The following ACSS3 variants were observed in gnomAD, a reference collection of about 807,000 sequenced individuals.
ACSS3 encodes the protein acyl-CoA synthetase short-chain family member 3, mitochondrial.
Under a neutral mutation model 84.2 loss-of-function variants are expected in ACSS3, and 64 were observed. That is an observed-to-expected ratio of 0.76 (90% CI 0.62 to 0.94). The LOEUF is 0.94. ACSS3 is among the 40% of genes least tolerant of loss of function. The pLI, the probability that ACSS3 is intolerant of heterozygous loss-of-function variation, is 0.00. For synonymous variants in ACSS3, 317 were observed against 310.1 expected (o/e 1.02, Z -0.23); for missense variants, 815 against 867.6 (o/e 0.94, Z 0.76).
chr12:81,139,237 A>G lies in ACSS3; in HGVS notation c.752A>G (p.Lys251Arg). 6.2e-7 allele frequency: 1 copy of G among 1,614,016 alleles called. No individual in the cohort carries two copies. The stretch of plus-strand genomic sequence containing the variant: ...AAAATAGGACAACACAAACCAGACA[A>G]AATTCTCATTTATAATCGTCCAAAT... The part of the protein sequence containing the change: ...ALKIGQHKPD[K>R]ILIYNRPNME... The change falls in exon 4 of 16, where the codon AAA (lysine) becomes AGA (arginine). Residue 251 changes from lysine to arginine, a missense_variant. By Grantham distance (26) the Lys-to-Arg change is conservative. Coordinates refer to ENST00000548058, the MANE Select transcript of ACSS3 (RefSeq NM_024560.4).
At position 81,226,744 on chromosome 12, in the gene ACSS3, G is replaced by A. The variant is rs1434409132; in HGVS notation, c.1515-4313G>A. Among the ~76,000 whole-genome samples, 4 of 151,742 alleles carry A rather than the reference G, an allele frequency of 2.6e-5. No homozygotes were observed. In the East Asian group the frequency reaches 5.8e-4, roughly 22 times the overall value. On this transcript the variant is annotated intron_variant, in intron 11 of 15. Transcript: ENST00000548058. ...AACTTTCTATAGAAACTTTCAAAGA[G>A]TCAGCTTTGATTTTTCTCTTTTCTT...
At chr12:81,143,848 G>C (rs1886203175) in intron 5 of ACSS3, among the ~76,000 whole-genome samples, 1 of 152,162 alleles carries the variant, frequency 6.6e-6, no homozygotes, top group South Asian at 2.1e-4. Context: ...ACAAAGCAAA[G>C]TTGAAAGCAT....
At chr12:81,080,536 C>T (rs7956176) in intron 1 of ACSS3, among the ~76,000 whole-genome samples, 60,951 of 151,874 alleles carry the variant, frequency 0.4, 14,576 homozygotes, top group Non-Finnish European at 0.55. Context: ...CTATTTATTT[C>T]AGCAGTGCGA....
intron 13 of ACSS3, among the ~76,000 whole-genome samples, chr12:81,248,332 A>G (rs1478962328): frequency 6.6e-6 from 1 of 152,096 alleles, no homozygotes; most frequent in African/African-American, 2.4e-5. Flanking sequence ...GAATGAAGAA[A>G]TAAAATATGG....
intron 9 of ACSS3, among the ~76,000 whole-genome samples, chr12:81,201,836 G>A (rs781468364): frequency 3.9e-5 from 6 of 152,244 alleles, no homozygotes; most frequent in African/African-American, 7.2e-5. Context: ...TAGCTAGATC[G>A]CTAGATTATT....
At chr12:81,103,055 A>C (rs1006294459) in intron 1 of ACSS3, among the ~76,000 whole-genome samples, 7 of 152,208 alleles carry the variant, frequency 4.6e-5, no homozygotes, top group African/African-American at 1.7e-4. Flanking sequence ...ACATCATCCT[A>C]GGATCATTTA....
chr12:81,236,081 A>G (rs2033621545), intron 13 of ACSS3, among the ~76,000 whole-genome samples: 1 of 151,482 alleles, frequency 6.6e-6, no homozygotes, highest in South Asian at 2.1e-4. Flanking sequence ...AATGGTGCTA[A>G]CTGTAGGTAT....
At chr12:81,169,161 T>C (rs188265731) in intron 7 of ACSS3, among the ~76,000 whole-genome samples, 1 of 152,122 alleles carries the variant, frequency 6.6e-6, no homozygotes, top group Admixed American at 6.5e-5. Context: ...GTGAATAAGA[T>C]GGAGAAAGGC....
intron 1 of ACSS3, among the ~76,000 whole-genome samples, chr12:81,097,271 A>C (rs2121383316): frequency 1.3e-5 from 2 of 152,296 alleles, no homozygotes; most frequent in Admixed American, 1.3e-4. Flanking sequence ...AGGCCAGACC[A>C]GTTCCATTGC....
In ACSS3 at chr12:81,229,635, A is replaced by G. The variant is rs555585926; in HGVS notation, c.1515-1422A>G. ...CAACCTATTGCCTTCATACAGATTT[A>G]GCAAACAGTAATAATCACAACAGCA... On this transcript the variant is annotated intron_variant, in intron 11 of 15. Transcript: ENST00000548058. Among the ~76,000 whole-genome samples the G allele has an allele frequency of 5.2e-4, 79 of 152,052 alleles. 1 individual carries two copies. Among genetic ancestry groups the G allele is most frequent in the African/African-American group, 1.8e-3 (75 of 41,546 alleles).
Position 81,114,652 on chromosome 12 carries a change from G to A in ACSS3, c.456+4948G>A, listed in dbSNP as rs1000231698. Among the ~76,000 whole-genome samples the A allele has an allele frequency of 7.2e-5, 11 of 152,196 alleles. No homozygotes were observed. The South Asian group carries it at 2.1e-3, about 29-fold the overall frequency. Reference sequence around the variant, plus strand: ...TATGGTCAGTGCCACTAAAAAGTGTGTCTCTGTAAGTTAAATTACCTTTTC... The same window carrying A: ...TATGGTCAGTGCCACTAAAAAGTGTATCTCTGTAAGTTAAATTACCTTTTC... On this transcript the variant is annotated intron_variant, in intron 2 of 15. Coordinates refer to ENST00000548058, the MANE Select transcript of ACSS3 (RefSeq NM_024560.4).
chr12:81,253,798 T>C (rs2034223898), intron 15 of ACSS3, 128 bp downstream of exon 15: 6 of 902,944 alleles, frequency 6.6e-6, no homozygotes, highest in Non-Finnish European at 9.8e-6. Flanking sequence ...AATAGTACTA[T>C]TTTTTAATGT....
rs559454460 is a variant in ACSS3, at chr12:81,213,954, T to A, written c.1355-2947T>A. Among the ~76,000 whole-genome samples the A allele has an allele frequency of 5.4e-5, 2 of 37,026 alleles. 1 individual carries two copies. Among genetic ancestry groups the A allele is most frequent in the Non-Finnish European group, 1.4e-4 (2 of 13,992 alleles). 24.3% of individuals were successfully genotyped at this position (37,026 alleles called of 152,430 possible). On this transcript the variant is annotated intron_variant, in intron 9 of 15. Transcript: ENST00000548058. Reference sequence around the variant, plus strand: ...CTTCCTTTCTCTCTCTCTCTCCCTCTCTCTCTTTCTTTCTTTCTTTCTTTC... The same window carrying A: ...CTTCCTTTCTCTCTCTCTCTCCCTCACTCTCTTTCTTTCTTTCTTTCTTTC...
intron 8 of ACSS3, among the ~76,000 whole-genome samples, chr12:81,180,462 G>A (rs1472490554): frequency 6.6e-6 from 1 of 151,864 alleles, no homozygotes; most frequent in African/African-American, 2.4e-5. Flanking sequence ...CTGGCTTATG[G>A]ATATATCTAT....
At chr12:81,151,240 A>G (rs1886595462) in intron 5 of ACSS3, among the ~76,000 whole-genome samples, 1 of 152,172 alleles carries the variant, frequency 6.6e-6, no homozygotes, top group Non-Finnish European at 1.5e-5. Context: ...AATGCAATAT[A>G]AGACAAATTT....
chr12:81,213,786 C>CTTCTTTT lies in ACSS3; in HGVS notation c.1355-3111_1355-3110insTTTTTCT, dbSNP rs1194406560. On this transcript the variant is annotated intron_variant, in intron 9 of 15. Coordinates refer to ENST00000548058, the MANE Select transcript of ACSS3 (RefSeq NM_024560.4). ...CGCTCCTCTCTTCTCTCCTCCTTCTCTTCTCTTTTCTCTTCTCTTCTCTTC... is the reference window on the plus strand; with the variant it reads ...CGCTCCTCTCTTCTCTCCTCCTTCTCTTCTTTTTTCTCTTTTCTCTTCTCTTCTCTTC... Among the ~76,000 whole-genome samples, 104 of 113,898 alleles carry CTTCTTTT rather than the reference C, an allele frequency of 9.1e-4. 2 individuals are homozygous for CTTCTTTT. Among genetic ancestry groups the CTTCTTTT allele is most frequent in the Non-Finnish European group, 1.5e-3 (81 of 55,314 alleles). The allele number at this position is 113,898 out of a possible 152,430, so 74.7% of individuals were successfully genotyped here.
intron 2 of ACSS3, chr12:81,125,668 T>G (rs564654725): frequency 6.6e-6 from 1 of 152,352 alleles, no homozygotes; most frequent in South Asian, 2.1e-4. Flanking sequence ...TTGCCACATA[T>G]GTGATGGTTA....
chr12:81,194,123 T>C (rs1184621239), intron 8 of ACSS3, among the ~76,000 whole-genome samples: 1 of 151,778 alleles, frequency 6.6e-6, no homozygotes, highest in Admixed American at 6.6e-5. Flanking sequence ...GGAAGATACC[T>C]GATGCCTAAG....
chr12:81,107,511 CATATATATATATATATATAT>C (rs566270568), intron 1 of ACSS3, among the ~76,000 whole-genome samples: 816 of 38,866 alleles, frequency 0.021, 28 homozygotes, highest in Admixed American at 0.028. Flanking sequence ...CAAATATATA[CATATATATATATATATATAT>C]ATATATATAT....
Sources: gnomAD v4.1 joint callset for allele counts (sites outside exome capture counted in the v4.1 genomes callset) on GRCh38, gnomAD v4.1.1 for gene constraint, MANE v1.5 for transcripts, NCBI Gene and HGNC (gene_info 2026-07-23, HGNC 2026-07-21) for gene names.